CNTN3: variants seen among roughly 807,000 people sequenced by gnomAD.
CNTN3 encodes contactin-3.
Under a neutral mutation model 119.1 loss-of-function variants are expected in CNTN3, and 60 were observed. That is an observed-to-expected ratio of 0.50 (90% CI 0.41 to 0.62). CNTN3 has a LOEUF of 0.62. Among genes scored for constraint, CNTN3 ranks in the 20% least tolerant of loss-of-function variants. The pLI is 0.00. For synonymous variants in CNTN3, 450 were observed against 438.7 expected (o/e 1.03, Z -0.32); for missense variants, 1,101 against 1,242.4 (o/e 0.89, Z 1.71).
chr3:74,601,061 T>C (rs915954071), intron 1 of CNTN3, among the ~76,000 whole-genome samples: 2 of 149,964 alleles, frequency 1.3e-5, no homozygotes, highest in Non-Finnish European at 1.5e-5. Flanking sequence ...ACATATATAA[T>C]ATATGTCCTA....
At chr3:74,358,200 G>C (rs1285538677) in intron 11 of CNTN3, among the ~76,000 whole-genome samples, 5 of 152,144 alleles carry the variant, frequency 3.3e-5, no homozygotes, top group African/African-American at 1.2e-4. Flanking sequence ...AGGAGGATTG[G>C]AACACCATGG....
chr3:74,445,685 G>A (rs1034223009), intron 4 of CNTN3, among the ~76,000 whole-genome samples: 1 of 152,196 alleles, frequency 6.6e-6, no homozygotes, highest in Non-Finnish European at 1.5e-5. Flanking sequence ...AATGTGCACT[G>A]CCAAATCAAA....
chr3:74,486,723 C>A, intron 3 of CNTN3, 92 bp from the exon 4 acceptor site: 1 of 1,080,746 alleles, frequency 9.3e-7, no homozygotes, highest in Non-Finnish European at 1.3e-6. Flanking sequence ...CATTATCCCT[C>A]AAAAGTAAAA....
intron 4 of CNTN3, among the ~76,000 whole-genome samples, chr3:74,432,200 G>A (rs1701795000): frequency 6.6e-6 from 1 of 152,096 alleles, no homozygotes; most frequent in Non-Finnish European, 1.5e-5. Flanking sequence ...CCATGCAAAA[G>A]CTAAGAAGAA....
At chr3:74,499,568 G>A in intron 3 of CNTN3, 91 bp downstream of exon 3, 1 of 1,202,604 alleles carries the variant, frequency 8.3e-7, no homozygotes, top group Non-Finnish European at 1.1e-6. Flanking sequence ...CTTACTGATG[G>A]CATAAATATA....
chr3:74,577,392 C>A (rs1704434677), intron 1 of CNTN3, among the ~76,000 whole-genome samples: 1 of 152,078 alleles, frequency 6.6e-6, no homozygotes, highest in Admixed American at 6.5e-5. Context: ...AATTGGCTAC[C>A]CAGCATTACT....
intron 5 of CNTN3, among the ~76,000 whole-genome samples, chr3:74,389,064 G>A (rs1299082757): frequency 1.3e-5 from 2 of 152,152 alleles, no homozygotes; most frequent in African/African-American, 4.8e-5. Flanking sequence ...TTACTGAGAG[G>A]AGAAATTGAG....
At chr3:74,432,343 G>A (rs932974831) in intron 4 of CNTN3, among the ~76,000 whole-genome samples, 1 of 151,474 alleles carries the variant, frequency 6.6e-6, no homozygotes, top group African/African-American at 2.4e-5. Flanking sequence ...AATTGTCTTG[G>A]GCCACACATA....
chr3:74,548,134 C>T (rs1408722825), intron 1 of CNTN3, among the ~76,000 whole-genome samples: 2 of 152,086 alleles, frequency 1.3e-5, no homozygotes, highest in Admixed American at 1.3e-4. Context: ...TTTTAGTCCA[C>T]CAATCTAACT....
chr3:74,583,827 T>TC (rs1559667504), intron 1 of CNTN3, among the ~76,000 whole-genome samples: 2 of 152,162 alleles, frequency 1.3e-5, no homozygotes, highest in East Asian at 3.9e-4. Flanking sequence ...TTTCCATTTT[T>TC]CCCCCTCATT....
At chr3:74,529,971 G>A (rs1225244591) in intron 1 of CNTN3, among the ~76,000 whole-genome samples, 1 of 151,724 alleles carries the variant, frequency 6.6e-6, no homozygotes, top group East Asian at 2.0e-4. Context: ...CTGAAATAGA[G>A]TTTCAACACT....
intron 2 of CNTN3, among the ~76,000 whole-genome samples, chr3:74,505,798 A>T (rs1703249021): frequency 6.6e-6 from 1 of 152,204 alleles, no homozygotes; most frequent in African/African-American, 2.4e-5. Flanking sequence ...AATGTTAGCA[A>T]GCAATTAAGT....
intron 4 of CNTN3, among the ~76,000 whole-genome samples, chr3:74,429,766 G>A (rs1701752985): frequency 6.6e-6 from 1 of 152,106 alleles, no homozygotes; most frequent in African/African-American, 2.4e-5. Context: ...TCTAGAATAA[G>A]TAAGACTGCC....
At chr3:74,573,001 G>A (rs1221480286) in intron 1 of CNTN3, among the ~76,000 whole-genome samples, 1 of 152,186 alleles carries the variant, frequency 6.6e-6, no homozygotes, top group East Asian at 1.9e-4. Context: ...GAGTGTGGAT[G>A]TTCATGGCCT....
chr3:74,268,023 G>T (rs1293899955), intron 20 of CNTN3, among the ~76,000 whole-genome samples: 1 of 152,042 alleles, frequency 6.6e-6, no homozygotes, highest in African/African-American at 2.4e-5. Flanking sequence ...AATTGCAAGA[G>T]AGTCTATATT....
At chr3:74,481,120 T>C (rs1008122564) in intron 4 of CNTN3, among the ~76,000 whole-genome samples, 5 of 151,790 alleles carry the variant, frequency 3.3e-5, no homozygotes, top group Non-Finnish European at 5.9e-5. Context: ...ACACAAATAA[T>C]TGACTAAATA....
chr3:74,430,461 T>C (rs1183434319), intron 4 of CNTN3, among the ~76,000 whole-genome samples: 2 of 152,174 alleles, frequency 1.3e-5, no homozygotes, highest in Non-Finnish European at 2.9e-5. Context: ...TAGGGTTTAG[T>C]GCTGGGCATG....
chr3:74,445,332 C>A (rs985050739), intron 4 of CNTN3, among the ~76,000 whole-genome samples: 4 of 151,834 alleles, frequency 2.6e-5, no homozygotes, highest in Non-Finnish European at 5.9e-5. Flanking sequence ...GTGGGATCTC[C>A]GCCCACTGCA....
At chr3:74,438,426 T>A (rs1206648720) in intron 4 of CNTN3, among the ~76,000 whole-genome samples, 3 of 152,218 alleles carry the variant, frequency 2.0e-5, no homozygotes, top group Admixed American at 2.0e-4. Flanking sequence ...CGGTAGGTGC[T>A]CAATAAGTGT....
Sources: gnomAD v4.1 joint callset for allele counts (sites outside exome capture counted in the v4.1 genomes callset) on GRCh38, gnomAD v4.1.1 for gene constraint, MANE v1.5 for transcripts, NCBI Gene and HGNC (gene_info 2026-07-23, HGNC 2026-07-21) for gene names.